The following COL8A1 variants were observed in gnomAD, a reference collection of about 807,000 sequenced individuals.
COL8A1 encodes the protein collagen alpha-1(VIII) chain.
A neutral mutation model predicts 42.7 loss-of-function variants in COL8A1; 21 were observed. The ratio of observed to expected loss-of-function variants is 0.49; its 90% CI spans 0.35 to 0.71. The LOEUF is 0.71. Ranked by LOEUF, COL8A1 falls within the 30% of genes least tolerant of loss-of-function variation. The pLI is 0.01. For missense variants in COL8A1, 788 were observed against 962.4 expected (o/e 0.82, Z 2.40); for synonymous variants, 367 against 369.1 (o/e 0.99, Z 0.06).
At chr3:99,751,857 A>G (rs1464040075) in intron 2 of COL8A1, among the ~76,000 whole-genome samples, 2 of 152,216 alleles carry the variant, frequency 1.3e-5, no homozygotes, top group Non-Finnish European at 2.9e-5. Context: ...TCCTTTCTTT[A>G]GTGAGTCAAG....
At chr3:99,677,249 G>C (rs1938726789) in intron 1 of COL8A1, among the ~76,000 whole-genome samples, 1 of 152,036 alleles carries the variant, frequency 6.6e-6, no homozygotes, top group Admixed American at 6.6e-5. Flanking sequence ...TGATGTGACA[G>C]GTGCTTGAAA....
intron 1 of COL8A1, among the ~76,000 whole-genome samples, chr3:99,734,482 G>A (rs1393406195): frequency 6.6e-6 from 1 of 151,458 alleles, no homozygotes; most frequent in Non-Finnish European, 1.5e-5. Flanking sequence ...TTATTTCTGA[G>A]GGCTCTGTTC....
At chr3:99,676,358 C>A (rs746490796) in intron 1 of COL8A1, among the ~76,000 whole-genome samples, 3 of 151,994 alleles carry the variant, frequency 2.0e-5, no homozygotes, top group Non-Finnish European at 2.9e-5. Flanking sequence ...CTGGCAAGAA[C>A]ATTACAAGAA....
chr3:99,646,578 G>C (rs1452360514), intron 1 of COL8A1, among the ~76,000 whole-genome samples: 1 of 152,074 alleles, frequency 6.6e-6, no homozygotes, highest in Non-Finnish European at 1.5e-5. Context: ...TACTAATTTA[G>C]TACGGTAAAT....
At chr3:99,730,541 G>A (rs1383017999) in intron 1 of COL8A1, among the ~76,000 whole-genome samples, 1 of 152,052 alleles carries the variant, frequency 6.6e-6, no homozygotes, top group Admixed American at 6.6e-5. Flanking sequence ...GCACTCAATG[G>A]AGTCATTAAG....
chr3:99,713,161 A>G (rs989895371), intron 1 of COL8A1, among the ~76,000 whole-genome samples: 6 of 152,086 alleles, frequency 3.9e-5, no homozygotes, highest in African/African-American at 1.4e-4. Flanking sequence ...ACTTCTTCTT[A>G]TTGTCCCCAG....
At chr3:99,726,572 T>C (rs1576449896) in intron 1 of COL8A1, among the ~76,000 whole-genome samples, 1 of 152,134 alleles carries the variant, frequency 6.6e-6, no homozygotes, top group African/African-American at 2.4e-5. Context: ...TTAATGCATC[T>C]TGAATTGATT....
At chr3:99,690,060 C>T (rs1163741393) in intron 1 of COL8A1, among the ~76,000 whole-genome samples, 2 of 152,128 alleles carry the variant, frequency 1.3e-5, no homozygotes, top group African/African-American at 2.4e-5. Flanking sequence ...GACATCAGCC[C>T]GATAACTATA....
chr3:99,641,987 C>G (rs1013254533), intron 1 of COL8A1, among the ~76,000 whole-genome samples: 5 of 152,062 alleles, frequency 3.3e-5, no homozygotes, highest in African/African-American at 1.2e-4. Flanking sequence ...ATCTCAATCC[C>G]TAAAGCATCT....
At chr3:99,660,052 C>G (rs529344290) in intron 1 of COL8A1, among the ~76,000 whole-genome samples, 20 of 152,204 alleles carry the variant, frequency 1.3e-4, no homozygotes, top group Admixed American at 1.3e-3. Flanking sequence ...CCAAGCCCAG[C>G]TTCTCTGGTT....
chr3:99,770,627 C>T (rs1295303826), intron 2 of COL8A1, among the ~76,000 whole-genome samples: 1 of 152,160 alleles, frequency 6.6e-6, no homozygotes, highest in African/African-American at 2.4e-5. Flanking sequence ...AAGAGGTACA[C>T]ACATATATGC....
intron 2 of COL8A1, among the ~76,000 whole-genome samples, chr3:99,776,818 G>A (rs1313976998): frequency 2.0e-5 from 3 of 152,222 alleles, no homozygotes; most frequent in Non-Finnish European, 4.4e-5. Flanking sequence ...TGGGAAAGGG[G>A]TAGGCAATTC....
At chr3:99,768,465 A>T (rs1164212366) in intron 2 of COL8A1, among the ~76,000 whole-genome samples, 1 of 152,246 alleles carries the variant, frequency 6.6e-6, no homozygotes, top group Non-Finnish European at 1.5e-5. Context: ...ATTTCTAGAT[A>T]TCACCATTTT....
At chr3:99,698,651 C>T (rs529831457) in intron 1 of COL8A1, among the ~76,000 whole-genome samples, 4 of 152,326 alleles carry the variant, frequency 2.6e-5, no homozygotes, top group African/African-American at 9.6e-5. Context: ...TAAACCACTC[C>T]ATTAAAAAAG....
At chr3:99,703,720 C>T (rs1020801710) in intron 1 of COL8A1, 4 of 152,214 alleles carry the variant, frequency 2.6e-5, no homozygotes, top group Admixed American at 2.6e-4. Context: ...GGGCCTTGCA[C>T]ATTTCTTTGC....
At chr3:99,649,124 T>C (rs1937753180) in intron 1 of COL8A1, among the ~76,000 whole-genome samples, 1 of 151,992 alleles carries the variant, frequency 6.6e-6, no homozygotes, top group South Asian at 2.1e-4. Flanking sequence ...AAGATTCAGA[T>C]TAAGTAAGTA....
chr3:99,779,523 C>T (rs1941754746), intron 2 of COL8A1, among the ~76,000 whole-genome samples: 1 of 152,164 alleles, frequency 6.6e-6, no homozygotes, highest in African/African-American at 2.4e-5. Flanking sequence ...AAGCCAAAGC[C>T]CTTTGCAGTC....
Position 99,728,987 on chromosome 3 carries a change from AAT to A in COL8A1, c.-128-15907_-128-15906del, listed in dbSNP as rs746606025. Among the ~76,000 whole-genome samples, 24 of 152,102 alleles carry A rather than the reference AAT, an allele frequency of 1.6e-4. No homozygotes were observed. In the South Asian group the frequency reaches 3.3e-3, roughly 21 times the overall value. ...TGTCCTGCATCACCATTATATTCTC[AAT>A]ATGTTTTCCTGACTGAAGGTTCATC... On this transcript the variant is annotated intron_variant, in intron 1 of 3. Transcript: ENST00000652472.
chr3:99,640,773 A>T (rs955187633), intron 1 of COL8A1, among the ~76,000 whole-genome samples: 2 of 152,122 alleles, frequency 1.3e-5, no homozygotes, highest in Non-Finnish European at 2.9e-5. Flanking sequence ...AAGCTTTTAG[A>T]AAAATCAGTG....
Sources: gnomAD v4.1 joint callset for allele counts (sites outside exome capture counted in the v4.1 genomes callset) on GRCh38, gnomAD v4.1.1 for gene constraint, MANE v1.5 for transcripts, NCBI Gene and HGNC (gene_info 2026-07-23, HGNC 2026-07-21) for gene names.